The following ZNF560 variants were observed in gnomAD, a reference collection of about 807,000 sequenced individuals.
ZNF560 encodes the protein zinc finger protein 560.
ZNF560 carries 54 observed loss-of-function variants against 81.8 expected under a neutral mutation model. That is an observed-to-expected ratio of 0.66 (90% confidence interval 0.53 to 0.83). The LOEUF (loss-of-function observed/expected upper bound fraction) is 0.83, where lower values mean the gene tolerates loss of function less well. ZNF560 is among the 40% of genes least tolerant of loss of function. ZNF560 has a pLI of 0.00. For synonymous variants in ZNF560, 321 were observed against 317.9 expected (o/e 1.01, Z -0.10); for missense variants, 940 against 932.4 (o/e 1.01, Z -0.11).
intron 2 of ZNF560, among the ~76,000 whole-genome samples, chr19:9,481,693 T>C (rs1225453132): frequency 6.6e-6 from 1 of 152,208 alleles, no homozygotes; most frequent in Non-Finnish European, 1.5e-5. Context: ...TCACTGGTCA[T>C]CAAAGAAATG....
chr19:9,472,378 G>A (rs1021660159), intron 5 of ZNF560, among the ~76,000 whole-genome samples: 1 of 152,184 alleles, frequency 6.6e-6, no homozygotes, highest in African/African-American at 2.4e-5. Flanking sequence ...CACAGCACAG[G>A]AGGTGAGTGG....
the ZNF560 span, among the ~76,000 whole-genome samples, chr19:9,449,890 A>T: frequency 6.8e-6 from 1 of 146,812 alleles, no homozygotes; most frequent in African/African-American, 2.6e-5. Flanking sequence ...AATCACTTGA[A>T]CCCAGGAGGC....
At chr19:9,477,836 T>A (rs973555882) in intron 2 of ZNF560, among the ~76,000 whole-genome samples, 2 of 151,850 alleles carry the variant, frequency 1.3e-5, no homozygotes, top group African/African-American at 4.8e-5. Context: ...TCTTTGAACT[T>A]GAAAACAGAC....
intron 2 of ZNF560, among the ~76,000 whole-genome samples, chr19:9,487,816 G>A (rs2073409105): frequency 6.6e-6 from 1 of 152,206 alleles, no homozygotes; most frequent in Non-Finnish European, 1.5e-5. Flanking sequence ...CTCACAGCCT[G>A]TTTGTTAGAA....
At chr19:9,459,526 C>T in the ZNF560 span, among the ~76,000 whole-genome samples, 5 of 152,048 alleles carry the variant, frequency 3.3e-5, no homozygotes, top group East Asian at 1.9e-4. Context: ...ATGGGGGCTA[C>T]GAAGTATGGC....
At chr19:9,462,642 C>G (rs2072951242), downstream of ZNF560, among the ~76,000 whole-genome samples, 1 of 151,642 alleles carries the variant, frequency 6.6e-6, no homozygotes, top group African/African-American at 2.4e-5. Context: ...AAAATCTTTA[C>G]ACTATAGGTA....
chr19:9,502,017 G>A (rs1018162049), upstream of ZNF560, among the ~76,000 whole-genome samples: 1 of 151,774 alleles, frequency 6.6e-6, no homozygotes, highest in Non-Finnish European at 1.5e-5. Context: ...GGCTGGGCAT[G>A]GTGGCATGCA....
chr19:9,484,147 A>T (rs1396000488), intron 2 of ZNF560, among the ~76,000 whole-genome samples: 8 of 152,206 alleles, frequency 5.3e-5, no homozygotes, highest in Non-Finnish European at 7.3e-5. Flanking sequence ...CAGAGACACA[A>T]ACACTGTGGA....
intron 3 of ZNF560, among the ~76,000 whole-genome samples, 181 bp from the exon 4 acceptor site, chr19:9,474,506 C>T (rs1043863530): frequency 6.6e-6 from 1 of 152,190 alleles, no homozygotes; most frequent in Non-Finnish European, 1.5e-5. Flanking sequence ...TCTTTCACTA[C>T]TTAACAATTC....
At chr19:9,449,985 A>AAAAAAAAAAAAAAAAAAC in the ZNF560 span, among the ~76,000 whole-genome samples, 1 of 146,380 alleles carries the variant, frequency 6.8e-6, no homozygotes, top group Non-Finnish European at 1.5e-5. Context: ...AAAAAAAAAA[A>AAAAAAAAAAAAAAAAAAC]AAAAAAAAAA....
intron 5 of ZNF560, 36 bp from the exon 6 acceptor site, chr19:9,471,414 TTTAAA>T (rs2073119615): frequency 2.0e-5 from 28 of 1,404,446 alleles, no homozygotes; most frequent in African/African-American, 4.7e-5. Context: ...TTTTTTTTTT[TTTAAA>T]AAAAAAGGTA....
chr19:9,502,314 C>A (rs1359099017), upstream of ZNF560, among the ~76,000 whole-genome samples: 1 of 151,824 alleles, frequency 6.6e-6, no homozygotes, highest in Non-Finnish European at 1.5e-5. Context: ...CAGGTTCAAG[C>A]AATTCTCCTG....
In ZNF560 at chr19:9,466,845, T is replaced by C. The variant is rs746578033; in HGVS notation, c.2102A>G (p.Asp701Gly). ...TATTTTGGTGAGAGTTTTTAAGCGATCATGAAAGCACATGGAATTTCGAAA... is the reference window on the plus strand; with the variant it reads ...TATTTTGGTGAGAGTTTTTAAGCGACCATGAAAGCACATGGAATTTCGAAA... ...NSFRNSMCFH[D>G]RLKTLTKIKP... The change falls in exon 10 of 10, where the codon GAT becomes GGT. Residue 701 changes from aspartate to glycine, a missense_variant. Coordinates refer to ENST00000301480, the MANE Select transcript of ZNF560 (RefSeq NM_152476.3). The C allele has an allele frequency of 6.2e-7, 1 of 1,614,146 alleles. No homozygotes were observed. The highest frequency in any genetic ancestry group is 2.2e-5 in the East Asian group (1 of 44,866).
At chr19:9,450,914 T>C in the ZNF560 span, among the ~76,000 whole-genome samples, 1 of 152,088 alleles carries the variant, frequency 6.6e-6, no homozygotes, top group African/African-American at 2.4e-5. Flanking sequence ...ATAAAATACC[T>C]AGGAATACAT....
Position 9,471,358 on chromosome 19 carries a change from T to C in ZNF560, c.259A>G (p.Thr87Ala). Reference sequence around the variant, plus strand: ...TCCTGCTGCAGTGCTGAAACACTGGTTTGATGTTTTATTGCCCAGTCTGAA... The same window carrying C: ...TCCTGCTGCAGTGCTGAAACACTGGCTTGATGTTTTATTGCCCAGTCTGAA... ...VLQDWAIKHQTSVSALQQEFW... is the reference protein window; with the variant it reads ...VLQDWAIKHQASVSALQQEFW... The change falls in exon 6 of 10, where the codon ACC (threonine) becomes GCC (alanine). Residue 87 changes from threonine (T) to alanine (A), a missense_variant. Thr to Ala is a moderately conservative substitution (Grantham distance 58). Transcript: ENST00000301480. 8 of 1,591,752 alleles carry C rather than the reference T, an allele frequency of 5.0e-6. No homozygotes were observed. Among genetic ancestry groups the C allele is most frequent in the Non-Finnish European group, 6.8e-6 (8 of 1,170,898 alleles).
downstream of ZNF560, among the ~76,000 whole-genome samples, chr19:9,462,525 C>A (rs2072948998): frequency 6.6e-6 from 1 of 152,210 alleles, no homozygotes; most frequent in Non-Finnish European, 1.5e-5. Flanking sequence ...CCACTTTGCA[C>A]TCTATTTCTG....
intron 2 of ZNF560, among the ~76,000 whole-genome samples, chr19:9,483,365 A>C (rs1305858462): frequency 3.5e-5 from 5 of 141,898 alleles, no homozygotes; most frequent in Non-Finnish European, 7.7e-5. Context: ...CCGTCTGAGA[A>C]GTGAGGAGCC....
At chr19:9,473,046 C>A (rs1333684932) in intron 5 of ZNF560, 133 bp downstream of exon 5, 1 of 758,376 alleles carries the variant, frequency 1.3e-6, no homozygotes, top group Non-Finnish European at 2.3e-6. Flanking sequence ...AATCGTGAGC[C>A]AAAATAAACC....
At chr19:9,482,263 AG>A (rs1253552599) in intron 2 of ZNF560, among the ~76,000 whole-genome samples, 1 of 150,082 alleles carries the variant, frequency 6.7e-6, no homozygotes, top group Non-Finnish European at 1.5e-5. Flanking sequence ...ATCACACACC[AG>A]GGCCTGTTGT....
Sources: allele counts gnomAD v4.1 joint callset (sites outside exome capture counted in the v4.1 genomes callset), GRCh38; gene constraint gnomAD v4.1.1; transcripts MANE v1.5; gene names NCBI Gene and HGNC (gene_info 2026-07-23, HGNC 2026-07-21).